Variants in VTI1A observed in about 807,000 individuals in gnomAD.
VTI1A encodes vesicle transport through interaction with t-SNAREs homolog 1A.
A neutral mutation model predicts 34.9 loss-of-function variants in VTI1A; 22 were observed. That is an observed-to-expected ratio of 0.63 (90% CI 0.45 to 0.90). The LOEUF (loss-of-function observed/expected upper bound fraction) is 0.90, where lower values mean the gene tolerates loss of function less well. Ranked by LOEUF, VTI1A falls within the 40% of genes least tolerant of loss-of-function variation. VTI1A has a pLI of 0.00. For synonymous variants in VTI1A, 87 were observed against 97.3 expected (o/e 0.89, Z 0.62); for missense variants, 268 against 275.6 (o/e 0.97, Z 0.20).
Position 112,817,753 on chromosome 10 carries a change from T to C in VTI1A, c.*2370T>C. ...ACGTCCACAGACTTGAAGCAGATAGTGAAGTAGATCTGTGAGAGGTTCTAG... is the reference window on the plus strand; with the variant it reads ...ACGTCCACAGACTTGAAGCAGATAGCGAAGTAGATCTGTGAGAGGTTCTAG... On this transcript the variant is annotated 3_prime_UTR_variant, in exon 8 of 8. Transcript: ENST00000393077. 1 of 230,468 alleles carries C rather than the reference T, an allele frequency of 4.3e-6. No individual in the cohort carries two copies. Among genetic ancestry groups the C allele is most frequent in the African/African-American group, 2.2e-5 (1 of 45,208 alleles). The allele number at this position is 230,468 out of a possible 1,614,324, so 14.3% of individuals were successfully genotyped here. A position where few individuals can be genotyped will look rare whatever the true frequency, so the allele number is the denominator to read the frequency against.
At chr10:112,646,793 G>A (rs1290492476) in intron 5 of VTI1A, among the ~76,000 whole-genome samples, 1 of 152,102 alleles carries the variant, frequency 6.6e-6, no homozygotes, top group East Asian at 1.9e-4. Flanking sequence ...TTACAGGTGT[G>A]AGCCACCGCG....
At chr10:112,825,710 C>T in the VTI1A span, 2 of 152,214 alleles carry the variant, frequency 1.3e-5, no homozygotes, top group East Asian at 1.9e-4. Context: ...ACCCTCATGT[C>T]TAGGGAGCAC....
intron 4 of VTI1A, among the ~76,000 whole-genome samples, chr10:112,536,755 C>T (rs915976111): frequency 6.7e-6 from 1 of 149,458 alleles, no homozygotes; most frequent in Non-Finnish European, 1.5e-5. Flanking sequence ...CCCCCCCACC[C>T]TTCCCCCCAA....
chr10:112,667,599 G>A (rs1847688520), intron 5 of VTI1A, among the ~76,000 whole-genome samples: 1 of 152,146 alleles, frequency 6.6e-6, no homozygotes, highest in Non-Finnish European at 1.5e-5. Flanking sequence ...TCCAGCATGA[G>A]CTCTCTTCAA....
chr10:112,624,337 C>T (rs117670275), intron 5 of VTI1A, among the ~76,000 whole-genome samples: 2,532 of 152,210 alleles, frequency 0.017, 33 homozygotes, highest in Middle Eastern at 0.031. Context: ...TCTCCTTGTT[C>T]TCAAGATGTT....
intron 3 of VTI1A, among the ~76,000 whole-genome samples, chr10:112,506,052 A>G (rs1048209300): frequency 6.6e-6 from 1 of 152,154 alleles, no homozygotes; most frequent in Admixed American, 6.5e-5. Flanking sequence ...GCTTAACGAC[A>G]GGAGAATGTT....
intron 7 of VTI1A, among the ~76,000 whole-genome samples, chr10:112,698,487 C>G (rs138605923): frequency 1.3e-5 from 2 of 152,202 alleles, no homozygotes; most frequent in Non-Finnish European, 2.9e-5. Context: ...AGAATTCTAG[C>G]TTCAGTTTTT....
intron 7 of VTI1A, among the ~76,000 whole-genome samples, chr10:112,761,936 A>G (rs185243667): frequency 9.4e-4 from 143 of 152,278 alleles, no homozygotes; most frequent in African/African-American, 3.1e-3. Flanking sequence ...CTGAGTAAAT[A>G]AAGTCTTTTA....
chr10:112,555,317 G>A (rs150621096), intron 5 of VTI1A, among the ~76,000 whole-genome samples: 2 of 152,012 alleles, frequency 1.3e-5, no homozygotes, highest in Non-Finnish European at 2.9e-5. Context: ...TCATGAAGAA[G>A]CCAAATGCTG....
intron 3 of VTI1A, among the ~76,000 whole-genome samples, chr10:112,515,384 TTTAA>T (rs1849742561): frequency 6.6e-6 from 1 of 152,118 alleles, no homozygotes; most frequent in South Asian, 2.1e-4. Flanking sequence ...TTTTTATTGA[TTTAA>T]TTATCAATTA....
intron 7 of VTI1A, among the ~76,000 whole-genome samples, chr10:112,808,570 A>C (rs1353209301): frequency 6.7e-6 from 1 of 148,436 alleles, no homozygotes; most frequent in Non-Finnish European, 1.5e-5. Flanking sequence ...GGTTGCAGTG[A>C]GCTGAGATTG....
the VTI1A span, among the ~76,000 whole-genome samples, chr10:112,846,765 CAAA>C: frequency 1.2e-4 from 7 of 60,602 alleles, no homozygotes; most frequent in Admixed American, 5.2e-4. Flanking sequence ...GACTCCGTCT[CAAA>C]AAAAAAAAAA....
chr10:112,756,439 C>T (rs1475691181), intron 7 of VTI1A, among the ~76,000 whole-genome samples: 2 of 152,150 alleles, frequency 1.3e-5, no homozygotes, highest in Non-Finnish European at 2.9e-5. Context: ...GGAGTCATGC[C>T]TGCACTCTGG....
At chr10:112,684,625 G>C (rs12414505) in intron 7 of VTI1A, among the ~76,000 whole-genome samples, 1 of 151,988 alleles carries the variant, frequency 6.6e-6, no homozygotes, top group Non-Finnish European at 1.5e-5. Flanking sequence ...ATTTTTAGTA[G>C]AGATGAGGTT....
At chr10:112,610,829 G>T (rs1357285349) in intron 5 of VTI1A, among the ~76,000 whole-genome samples, 1 of 152,068 alleles carries the variant, frequency 6.6e-6, no homozygotes, top group Non-Finnish European at 1.5e-5. Context: ...TGAGGCAGGA[G>T]AATGACGTGA....
intron 5 of VTI1A, 198 bp downstream of exon 5, chr10:112,538,528 C>G (rs1441909631): frequency 1.9e-6 from 1 of 529,406 alleles, no homozygotes; most frequent in Non-Finnish European, 3.4e-6. Flanking sequence ...GAAAACAGTT[C>G]CTGAGGTTTA....
rs372269351 is a variant in VTI1A, at chr10:112,643,135, C to A, written c.428-25083C>A. ...AGGTAGCTGGGATTACAGGCACCCGCCACCACACCTGGCTAATTTTTTTTT... is the reference window on the plus strand; with the variant it reads ...AGGTAGCTGGGATTACAGGCACCCGACACCACACCTGGCTAATTTTTTTTT... On this transcript the variant is annotated intron_variant, in intron 5 of 7. Coordinates refer to ENST00000393077, the MANE Select transcript of VTI1A (RefSeq NM_145206.4). Among the ~76,000 whole-genome samples, 4 of 150,448 alleles carry A rather than the reference C, an allele frequency of 2.7e-5. No homozygotes were observed. In the East Asian group the frequency reaches 5.9e-4, roughly 22 times the overall value.
intron 5 of VTI1A, among the ~76,000 whole-genome samples, chr10:112,613,650 C>T (rs1845404375): frequency 2.0e-5 from 3 of 152,176 alleles, no homozygotes; most frequent in African/African-American, 7.2e-5. Context: ...TAACTGAGCA[C>T]TAAAAGGTTG....
intron 7 of VTI1A, among the ~76,000 whole-genome samples, chr10:112,673,302 T>G (rs1165747256): frequency 2.2e-5 from 3 of 137,712 alleles, no homozygotes; most frequent in East Asian, 4.2e-4. Context: ...GGTGACAGAG[T>G]GAGACTCCAT....
Sources: allele counts gnomAD v4.1 joint callset (sites outside exome capture counted in the v4.1 genomes callset), GRCh38; gene constraint gnomAD v4.1.1; transcripts MANE v1.5; gene names NCBI Gene and HGNC (gene_info 2026-07-23, HGNC 2026-07-21).